Variants in ERC2 observed in about 807,000 individuals in gnomAD.
ERC2 encodes ERC protein 2.
ERC2 carries 42 observed loss-of-function variants against 114.8 expected under a neutral mutation model. That is an observed-to-expected ratio of 0.37 (90% CI 0.29 to 0.47). ERC2 has a LOEUF of 0.47. Ranked by LOEUF, ERC2 falls within the 20% of genes least tolerant of loss-of-function variation. The pLI, the probability that ERC2 is intolerant of heterozygous loss-of-function variation, is 0.99. For synonymous variants in ERC2, 454 were observed against 425.5 expected (o/e 1.07, Z -0.82); for missense variants, 939 against 1,150.7 (o/e 0.82, Z 2.66).
chr3:56,430,369 G>A (rs1312015146), intron 2 of ERC2, among the ~76,000 whole-genome samples: 1 of 152,150 alleles, frequency 6.6e-6, no homozygotes, highest in Non-Finnish European at 1.5e-5. Context: ...CTAGGAAAAA[G>A]AAATAAATTC....
Position 56,056,360 on chromosome 3 carries a change from A to C in ERC2, c.1641+24457T>G, listed in dbSNP as rs76471975. On this transcript the variant is annotated intron_variant, in intron 7 of 17. Coordinates refer to ENST00000288221, the MANE Select transcript of ERC2 (RefSeq NM_015576.3). ...ATGAGGGTGTTGCATGCTTGCTATG[A>C]CTTTGTTTCTCTTGAGAAACAGGAG... 6.4e-3 allele frequency among the ~76,000 whole-genome samples: 980 copies of C among 152,288 alleles called. 7 individuals are homozygous for C. The highest frequency in any genetic ancestry group is 0.022 in the African/African-American group (919 of 41,572).
At chr3:55,913,607 A>G (rs1417176126) in intron 13 of ERC2, among the ~76,000 whole-genome samples, 1 of 151,250 alleles carries the variant, frequency 6.6e-6, no homozygotes, top group East Asian at 1.9e-4. Flanking sequence ...CTACAAAAGG[A>G]AAAAAAAATA....
intron 17 of ERC2, among the ~76,000 whole-genome samples, chr3:55,641,927 G>A (rs2148656940): frequency 6.6e-6 from 1 of 152,134 alleles, no homozygotes; most frequent in East Asian, 1.9e-4. Context: ...AGATTACAAA[G>A]ACTATTTTAA....
chr3:55,698,335 C>T (rs1421140340), intron 16 of ERC2, among the ~76,000 whole-genome samples: 2 of 151,992 alleles, frequency 1.3e-5, no homozygotes, highest in African/African-American at 2.4e-5. Flanking sequence ...AACAGCTCCC[C>T]CAGGACTTGT....
intron 6 of ERC2, among the ~76,000 whole-genome samples, chr3:56,098,954 T>C (rs1008484438): frequency 6.6e-6 from 1 of 152,204 alleles, no homozygotes; most frequent in Admixed American, 6.5e-5. Context: ...GGTCCCCAAA[T>C]AGATGTGTCC....
At chr3:56,389,872 A>T (rs575526097) in intron 2 of ERC2, among the ~76,000 whole-genome samples, 1 of 152,296 alleles carries the variant, frequency 6.6e-6, no homozygotes. Context: ...GGGTAGGCCC[A>T]TCTAGATGGA....
intron 2 of ERC2, among the ~76,000 whole-genome samples, chr3:56,334,599 G>A (rs1353859339): frequency 6.6e-6 from 1 of 152,030 alleles, no homozygotes; most frequent in African/African-American, 2.4e-5. Context: ...ATTGCATAGG[G>A]AAAACAAAAC....
At position 55,841,336 on chromosome 3, in the gene ERC2, T is replaced by C. The variant is rs371132936; in HGVS notation, c.2564+47053A>G. 4.6e-5 allele frequency among the ~76,000 whole-genome samples: 7 copies of C among 152,124 alleles called. 1 individual carries two copies. The South Asian group carries it at 1.2e-3, about 27-fold the overall frequency. On this transcript the variant is annotated intron_variant, in intron 14 of 17. Transcript: ENST00000288221. ...ATGACAGTGAATAAGTCTCACGAGA[T>C]CTGATGGTTTTATAAATGGGACTTC...
chr3:55,759,475 A>C (rs1199882214), intron 14 of ERC2, among the ~76,000 whole-genome samples: 3 of 103,026 alleles, frequency 2.9e-5, no homozygotes, highest in African/African-American at 1.2e-4. Context: ...AAAAAAAAAA[A>C]AAAAAAAAAA....
intron 2 of ERC2, among the ~76,000 whole-genome samples, chr3:56,303,816 A>G (rs775844779): frequency 2.0e-5 from 3 of 152,188 alleles, no homozygotes; most frequent in Non-Finnish European, 4.4e-5. Context: ...AACAGATGCA[A>G]ATGCAAATCC....
At chr3:56,403,338 C>G (rs961102841) in intron 2 of ERC2, among the ~76,000 whole-genome samples, 1 of 152,148 alleles carries the variant, frequency 6.6e-6, no homozygotes, top group Admixed American at 6.5e-5. Flanking sequence ...ACAGTAGACA[C>G]TAGCCACATG....
At chr3:56,183,675 G>A (rs936718575) in intron 3 of ERC2, among the ~76,000 whole-genome samples, 1 of 152,150 alleles carries the variant, frequency 6.6e-6, no homozygotes, top group Admixed American at 6.6e-5. Context: ...GGCCAGGTAG[G>A]ACACACAGAG....
intron 17 of ERC2, among the ~76,000 whole-genome samples, chr3:55,517,245 A>G (rs1398519645): frequency 2.6e-5 from 4 of 152,074 alleles, no homozygotes; most frequent in African/African-American, 7.2e-5. Context: ...GTTCAAGACC[A>G]GCCTAGCCAA....
rs181756382 is a variant in ERC2, at chr3:56,449,159, T to C, written c.-140-14012A>G. ...CCTGATCTGTAACGTCACACATATG[T>C]GCCCCTCCACAACCCTAAGCCTAGG... On this transcript the variant is annotated intron_variant, in intron 1 of 17. Coordinates refer to ENST00000288221, the MANE Select transcript of ERC2 (RefSeq NM_015576.3). Among the ~76,000 whole-genome samples the C allele has an allele frequency of 1.1e-3, 160 of 151,490 alleles. 4 individuals are homozygous for C. The East Asian group carries it at 0.028, about 26-fold the overall frequency.
chr3:55,562,577 C>G (rs1313380116), intron 17 of ERC2, among the ~76,000 whole-genome samples: 1 of 152,108 alleles, frequency 6.6e-6, no homozygotes, highest in Non-Finnish European at 1.5e-5. Flanking sequence ...AAGAAAAGTC[C>G]AAGTGTTTTG....
intron 7 of ERC2, among the ~76,000 whole-genome samples, chr3:56,049,847 T>C (rs1358027437): frequency 6.6e-6 from 1 of 151,758 alleles, no homozygotes; most frequent in African/African-American, 2.4e-5. Context: ...TGTGTGTGTG[T>C]GTGTGTGTGT....
intron 5 of ERC2, 66 bp downstream of exon 5, chr3:56,148,911 T>C: frequency 1.4e-6 from 2 of 1,428,876 alleles, no homozygotes; most frequent in Non-Finnish European, 1.9e-6. Flanking sequence ...TTGGAAAAAG[T>C]ATGTATGTAA....
intron 5 of ERC2, among the ~76,000 whole-genome samples, chr3:56,140,734 C>T (rs2080807346): frequency 6.6e-6 from 1 of 152,118 alleles, no homozygotes; most frequent in African/African-American, 2.4e-5. Context: ...TCTTCAATTT[C>T]ACTAGATAAA....
rs111843441 is a variant in ERC2 at position 55,921,965 on chromosome 3, G to A, written c.2403+28460C>T. On this transcript the variant is annotated intron_variant, in intron 13 of 17. Coordinates refer to ENST00000288221, the MANE Select transcript of ERC2 (RefSeq NM_015576.3). ...CTCTTTGCTCTTGCTAAATTCTAAC[G>A]ATTGTATAATATCAACCCAGAGATA... 8.1e-3 allele frequency among the ~76,000 whole-genome samples: 1,238 copies of A among 152,082 alleles called. 9 individuals are homozygous for A. The highest frequency in any genetic ancestry group is 0.028 in the African/African-American group (1,164 of 41,486).
Sources: gnomAD v4.1 joint callset for allele counts (sites outside exome capture counted in the v4.1 genomes callset) on GRCh38, gnomAD v4.1.1 for gene constraint, MANE v1.5 for transcripts, NCBI Gene and HGNC (gene_info 2026-07-23, HGNC 2026-07-21) for gene names.